Variants in GPATCH2 observed in about 807,000 individuals in gnomAD.
GPATCH2 encodes the protein G-patch domain containing 2.
GPATCH2 carries 51 observed loss-of-function variants against 58.0 expected under a neutral mutation model. The ratio of observed to expected loss-of-function variants is 0.88; its 90% CI spans 0.70 to 1.11. The LOEUF is 1.11. Among genes scored for constraint, GPATCH2 ranks in the 50% most tolerant of loss-of-function variants. The probability of loss-of-function intolerance (pLI) is 0.00; values close to 1 mark genes in which losing one functional copy is unlikely to be tolerated. For synonymous variants in GPATCH2, 222 were observed against 218.5 expected, an observed-to-expected ratio of 1.02 and a Z score of -0.14; for missense variants, 625 against 652.2, an observed-to-expected ratio of 0.96 and a Z score of 0.45.
intron 5 of GPATCH2, among the ~76,000 whole-genome samples, chr1:217,554,195 T>C (rs1338080783): frequency 6.6e-6 from 1 of 152,198 alleles, no homozygotes; most frequent in Non-Finnish European, 1.5e-5. Flanking sequence ...GAAGATTTAT[T>C]TGAGTTTATT....
At chr1:217,507,878 A>T (rs1558442732) in intron 6 of GPATCH2, among the ~76,000 whole-genome samples, 1 of 152,136 alleles carries the variant, frequency 6.6e-6, no homozygotes, top group Non-Finnish European at 1.5e-5. Flanking sequence ...AATTATTTAT[A>T]AAATGGGGTC....
rs1273769853 is a variant in GPATCH2, at chr1:217,431,048, A to G, written c.*97T>C. On this transcript the variant is annotated 3_prime_UTR_variant, in exon 10 of 10. Coordinates refer to ENST00000366935, the MANE Select transcript of GPATCH2 (RefSeq NM_018040.5). ...AAGCTAGAGTGATGTGTTTGAGGCA[A>G]TGTAGATTTTTGCTTCAAAAACAGA... 1 of 745,270 alleles carries G rather than the reference A, an allele frequency of 1.3e-6. No individual in the cohort carries two copies. Among genetic ancestry groups the G allele is most frequent in the African/African-American group, 1.7e-5 (1 of 58,230 alleles). 46.2% of individuals were successfully genotyped at this position (745,270 alleles called of 1,614,324 possible). A position where few individuals can be genotyped will look rare whatever the true frequency, so the allele number is the denominator to read the frequency against.
chr1:217,610,521 A>G, intron 4 of GPATCH2, 121 bp from the exon 5 acceptor site: 1 of 659,210 alleles, frequency 1.5e-6, no homozygotes, highest in Non-Finnish European at 2.6e-6. Flanking sequence ...TGCCACGAAT[A>G]TTATTTGGGA....
intron 5 of GPATCH2, among the ~76,000 whole-genome samples, chr1:217,548,892 T>C: frequency 6.6e-6 from 1 of 152,192 alleles, no homozygotes; most frequent in East Asian, 1.9e-4. Flanking sequence ...CAATAAAACC[T>C]CTTTTCTTAT....
intron 9 of GPATCH2, 141 bp from the exon 10 acceptor site, chr1:217,431,506 G>T: frequency 1.6e-6 from 1 of 619,780 alleles, no homozygotes. Context: ...TTCATCTTTG[G>T]ATACTTTTTG....
At position 217,620,052 on chromosome 1, in the gene GPATCH2, T is replaced by C. The variant is rs868396387; in HGVS notation, c.504A>G (p.Ala168=). The change falls in exon 2 of 10, where the codon GCA becomes GCG. Residue 168 remains alanine, a synonymous_variant. Coordinates refer to ENST00000366935, the MANE Select transcript of GPATCH2 (RefSeq NM_018040.5). ...TAGAGATGTCCTGTGGGAGATCTAC[T>C]GCCATGCGTTTTACCTTTCTCCTCC... The part of the protein sequence containing the change: ...LRRRRKVKRM[A]VDLPQDISNK... 3 of 1,613,968 alleles carry C rather than the reference T, an allele frequency of 1.9e-6. No homozygotes were observed. The highest frequency in any genetic ancestry group is 3.3e-4 in the Middle Eastern group (2 of 6,062).
chr1:217,544,720 G>A lies in GPATCH2; in HGVS notation c.1099-29831C>T, dbSNP rs147262605. On this transcript the variant is annotated intron_variant, in intron 5 of 9. Coordinates refer to ENST00000366935, the MANE Select transcript of GPATCH2 (RefSeq NM_018040.5). ...GTTCTTCACATAAGGCATTTAGAAC[G>A]TTCTCAAGTCCATTCAAACCTTTTC... 1.7e-3 allele frequency among the ~76,000 whole-genome samples: 263 copies of A among 152,290 alleles called. 2 individuals carry two copies. The highest frequency in any genetic ancestry group is 6.1e-3 in the African/African-American group (254 of 41,552).
chr1:217,597,394 C>A (rs149310526), intron 5 of GPATCH2, among the ~76,000 whole-genome samples: 3 of 151,108 alleles, frequency 2.0e-5, no homozygotes, highest in Non-Finnish European at 4.4e-5. Context: ...CAAACGGATG[C>A]GAGGCTGACC....
At chr1:217,507,372 G>A (rs1295770006) in intron 6 of GPATCH2, among the ~76,000 whole-genome samples, 1 of 152,130 alleles carries the variant, frequency 6.6e-6, no homozygotes, top group Non-Finnish European at 1.5e-5. Context: ...AAGAGGCCCT[G>A]CTAAACTTTA....
At chr1:217,537,092 T>C (rs980258412) in intron 5 of GPATCH2, among the ~76,000 whole-genome samples, 1 of 152,220 alleles carries the variant, frequency 6.6e-6, no homozygotes, top group African/African-American at 2.4e-5. Flanking sequence ...TTCTCTAAAA[T>C]CCTTTGCATC....
chr1:217,607,846 C>T (rs981570491), intron 5 of GPATCH2, among the ~76,000 whole-genome samples: 61 of 152,104 alleles, frequency 4.0e-4, no homozygotes, highest in African/African-American at 1.4e-3. Context: ...TTCAAAGATA[C>T]TACATCATTA....
At chr1:217,587,621 G>A (rs750619551) in intron 5 of GPATCH2, among the ~76,000 whole-genome samples, 15 of 152,082 alleles carry the variant, frequency 9.9e-5, no homozygotes, top group Non-Finnish European at 1.9e-4. Context: ...AATTGTGGGG[G>A]TGCTAATCAC....
chr1:217,468,505 G>T (rs1558413779), intron 8 of GPATCH2, among the ~76,000 whole-genome samples: 1 of 128,436 alleles, frequency 7.8e-6, no homozygotes, highest in Non-Finnish European at 1.6e-5. Context: ...GTCAAGGAAT[G>T]CACACACAAC....
In GPATCH2 at chr1:217,482,440, G is replaced by A. The variant is rs76673805; in HGVS notation, c.1277+9240C>T. ...AAGGAAATGAGGAGAAAGCCATATG[G>A]GTACTTGTAGACAGAGTGTTCTGGC... On this transcript the variant is annotated intron_variant, in intron 8 of 9. Coordinates refer to ENST00000366935, the MANE Select transcript of GPATCH2 (RefSeq NM_018040.5). Among the ~76,000 whole-genome samples, 1,150 of 152,172 alleles carry A rather than the reference G, an allele frequency of 7.6e-3. 3 individuals are homozygous for A. Among genetic ancestry groups the A allele is most frequent in the Middle Eastern group, 0.02 (6 of 294 alleles).
At chr1:217,582,676 G>T (rs984506675) in intron 5 of GPATCH2, among the ~76,000 whole-genome samples, 1 of 152,048 alleles carries the variant, frequency 6.6e-6, no homozygotes, top group Non-Finnish European at 1.5e-5. Context: ...TAAATATAAT[G>T]GATTAAATTA....
intron 9 of GPATCH2, among the ~76,000 whole-genome samples, chr1:217,433,360 T>TCA (rs1347899048): frequency 1.2e-4 from 15 of 123,822 alleles, no homozygotes; most frequent in African/African-American, 4.8e-4. Context: ...TTTAAGCTGT[T>TCA]CATATATATA....
chr1:217,431,154 T>C lies in GPATCH2; in HGVS notation c.1578A>G (p.Lys526=). 6.1e-6 allele frequency: 9 copies of C among 1,477,108 alleles called. No individual in the cohort carries two copies. Among genetic ancestry groups the C allele is most frequent in the African/African-American group, 2.8e-5 (2 of 72,298 alleles). 91.5% of individuals were successfully genotyped at this position (1,477,108 alleles called of 1,614,324 possible). A position where few individuals can be genotyped will look rare whatever the true frequency, so the allele number is the denominator to read the frequency against. ...TTCTTCTTTGCTTTTCTTAGGCGGA[T>C]TTTCCTGCATTGGGGGTAGTAGTTG... The part of the protein sequence containing the change: ...TSATTTPNAG[K]SA The change falls in exon 10 of 10, where the codon AAA becomes AAG. Residue 526 remains lysine, a synonymous_variant. Transcript: ENST00000366935.
chr1:217,600,243 T>G lies in GPATCH2; in HGVS notation c.1098+10078A>C, dbSNP rs527727552. Among the ~76,000 whole-genome samples the G allele has an allele frequency of 2.8e-4, 43 of 152,244 alleles. 1 individual carries two copies. Among genetic ancestry groups the G allele is most frequent in the African/African-American group, 8.7e-4 (36 of 41,550 alleles). ...TAATTGGGACTGAACAACAAAAATT[T>G]TACAAGTTTTATTGGCTTAAAACAT... On this transcript the variant is annotated intron_variant, in intron 5 of 9. Coordinates refer to ENST00000366935, the MANE Select transcript of GPATCH2 (RefSeq NM_018040.5).
chr1:217,476,919 A>T (rs1450112183), intron 8 of GPATCH2, among the ~76,000 whole-genome samples: 1 of 152,096 alleles, frequency 6.6e-6, no homozygotes, highest in Non-Finnish European at 1.5e-5. Context: ...GAGTGCTAGC[A>T]TCACTCCTCT....
Sources: allele counts gnomAD v4.1 joint callset (sites outside exome capture counted in the v4.1 genomes callset), GRCh38; gene constraint gnomAD v4.1.1; transcripts MANE v1.5; gene names NCBI Gene and HGNC (gene_info 2026-07-23, HGNC 2026-07-21).